The following UTRN variants were observed in gnomAD, a reference collection of about 807,000 sequenced individuals.
The protein encoded by UTRN is dystrophin-related protein 1.
UTRN carries 283 observed loss-of-function variants against 463.9 expected under a neutral mutation model. The observed-to-expected ratio is 0.61, with a 90% CI of 0.55 to 0.67. The LOEUF (loss-of-function observed/expected upper bound fraction) is 0.67. Among genes scored for constraint, UTRN ranks in the 30% least tolerant of loss-of-function variants. UTRN has a pLI of 0.00. For synonymous variants in UTRN, 1,442 were observed against 1,431.5 expected (o/e 1.01, Z -0.17); for missense variants, 3,922 against 4,084.3 (o/e 0.96, Z 1.08).
chr6:144,491,453 G>A (rs1221685061), intron 32 of UTRN, among the ~76,000 whole-genome samples: 2 of 152,060 alleles, frequency 1.3e-5, no homozygotes, highest in Non-Finnish European at 2.9e-5. Flanking sequence ...TTAGCTAGAA[G>A]AACCATACTT....
At chr6:144,472,348 TTAGA>T in intron 23 of UTRN, among the ~76,000 whole-genome samples, 1 of 151,680 alleles carries the variant, frequency 6.6e-6, no homozygotes, top group Non-Finnish European at 1.5e-5. Context: ...GCCTAGATTA[TTAGA>T]TACACAGAGT....
Position 144,474,674 on chromosome 6 carries a change from G to T in UTRN, c.3251G>T (p.Arg1084Leu), listed in dbSNP as rs751133169. 2 of 1,614,004 alleles carry T rather than the reference G, an allele frequency of 1.2e-6. No homozygotes were observed. Among genetic ancestry groups the T allele is most frequent in the East Asian group, 2.2e-5 (1 of 44,872 alleles). ...ATGAAGGAAATAGAGACTAATCTTC[G>T]AAGTGGTCCAGTTGCTGGAATAAAA... The part of the protein sequence containing the change: ...KNMKEIETNL[R>L]SGPVAGIKTW... Residue 1084 changes from arginine to leucine, a missense_variant, in exon 25 of 75, where the codon CGA (arginine) becomes CTA (leucine). Physicochemically the swap from Arg to Leu is moderately radical, Grantham distance 102 (BLOSUM62 -2). Around this residue, in one of 3 missense-constraint regions of UTRN, gnomAD observed 2,349 missense variants for 2,303.8 expected, o/e 1.02. Coordinates refer to ENST00000367545, the MANE Select transcript of UTRN (RefSeq NM_007124.3).
At chr6:144,402,096 G>C (rs1019491163) in intron 2 of UTRN, among the ~76,000 whole-genome samples, 9 of 152,172 alleles carry the variant, frequency 5.9e-5, no homozygotes, top group Admixed American at 6.5e-5. Flanking sequence ...GAAAATCGTG[G>C]AGTGATGGAA....
At chr6:144,412,762 TACACAC>T (rs149751810) in intron 3 of UTRN, among the ~76,000 whole-genome samples, 3,023 of 144,342 alleles carry the variant, frequency 0.021, 49 homozygotes, top group Non-Finnish European at 0.028. Context: ...ACACACACCA[TACACAC>T]ACACACACAC....
At chr6:144,835,680 C>T in intron 69 of UTRN, 100 bp from the exon 70 acceptor site, 3 of 1,512,830 alleles carry the variant, frequency 2.0e-6, no homozygotes, top group Admixed American at 2.0e-5. Context: ...CAAACTTGGC[C>T]CAGCCACTAT....
chr6:144,653,089 A>G (rs771114684), intron 51 of UTRN, among the ~76,000 whole-genome samples: 33 of 152,190 alleles, frequency 2.2e-4, no homozygotes, highest in Non-Finnish European at 4.0e-4. Context: ...GAACATTGAA[A>G]TGTTTCATTC....
intron 54 of UTRN, among the ~76,000 whole-genome samples, chr6:144,741,756 T>C (rs11967393): frequency 1.5e-3 from 221 of 152,336 alleles, no homozygotes; most frequent in African/African-American, 5.0e-3. Context: ...TTCCAGGGTC[T>C]CTTTGCTCTT....
At chr6:144,690,184 A>G (rs145100513) in intron 52 of UTRN, among the ~76,000 whole-genome samples, 1 of 135,128 alleles carries the variant, frequency 7.4e-6, no homozygotes, top group African/African-American at 2.8e-5. Context: ...GGGTCAGGCA[A>G]GTCCATGCTC....
intron 62 of UTRN, among the ~76,000 whole-genome samples, chr6:144,792,337 C>A (rs979950393): frequency 6.6e-6 from 1 of 152,110 alleles, no homozygotes; most frequent in African/African-American, 2.4e-5. Context: ...CAACTGTGAT[C>A]GGGAGTTCGA....
chr6:144,362,740 A>G (rs925789586), intron 2 of UTRN, among the ~76,000 whole-genome samples: 1 of 152,188 alleles, frequency 6.6e-6, no homozygotes, highest in Non-Finnish European at 1.5e-5. Context: ...AAAAAATGAC[A>G]TGCCACTTGT....
intron 34 of UTRN, among the ~76,000 whole-genome samples, chr6:144,503,820 A>G (rs554484526): frequency 2.0e-5 from 3 of 152,310 alleles, no homozygotes; most frequent in African/African-American, 7.2e-5. Context: ...CATTGAATCT[A>G]AAAATTACTT....
intron 39 of UTRN, 67 bp downstream of exon 39, chr6:144,517,015 G>T (rs1236121115): frequency 7.6e-7 from 1 of 1,318,098 alleles, no homozygotes; most frequent in Non-Finnish European, 9.8e-7. Context: ...TCAGATGTGT[G>T]ATGCTGCATC....
intron 51 of UTRN, among the ~76,000 whole-genome samples, chr6:144,664,520 C>A (rs1780193391): frequency 6.7e-6 from 1 of 148,168 alleles, no homozygotes; most frequent in South Asian, 2.1e-4. Context: ...CTCAGGCTGA[C>A]CTTGAACTCC....
chr6:144,463,886 G>A (rs890128070), intron 23 of UTRN, among the ~76,000 whole-genome samples: 1 of 150,908 alleles, frequency 6.6e-6, no homozygotes, highest in Non-Finnish European at 1.5e-5. Flanking sequence ...TATATATATA[G>A]GGAGATGTCT....
intron 38 of UTRN, among the ~76,000 whole-genome samples, chr6:144,516,602 T>C (rs1382241162): frequency 6.6e-6 from 1 of 152,018 alleles, no homozygotes; most frequent in African/African-American, 2.4e-5. Context: ...TCCTTAGTAT[T>C]ATCTAATGTT....
intron 50 of UTRN, among the ~76,000 whole-genome samples, chr6:144,563,775 T>C (rs1800142068): frequency 6.6e-6 from 1 of 152,244 alleles, no homozygotes; most frequent in Admixed American, 6.5e-5. Flanking sequence ...TATATTTTCC[T>C]CTTCTGTTAC....
At chr6:144,767,455 A>G (rs896386393) in intron 58 of UTRN, among the ~76,000 whole-genome samples, 1 of 152,180 alleles carries the variant, frequency 6.6e-6, no homozygotes, top group Non-Finnish European at 1.5e-5. Flanking sequence ...ATACTTCCAT[A>G]TCAAGAGCTT....
intron 12 of UTRN, 42 bp from the exon 13 acceptor site, chr6:144,440,310 G>A (rs200067884): frequency 1.9e-6 from 3 of 1,609,954 alleles, no homozygotes; most frequent in Non-Finnish European, 2.5e-6. Context: ...ATAGGTAAAT[G>A]TGAAAGTAGA....
At chr6:144,521,920 TG>T (rs1227830838) in intron 39 of UTRN, 59 bp from the exon 40 acceptor site, 4 of 1,049,160 alleles carry the variant, frequency 3.8e-6, no homozygotes, top group Admixed American at 4.1e-5. Context: ...TTATTCATTG[TG>T]GGGGTATTTT....
Sources: allele counts gnomAD v4.1 joint callset (sites outside exome capture counted in the v4.1 genomes callset), GRCh38; gene constraint gnomAD v4.1.1; regional missense constraint gnomAD v4.1.1; transcripts MANE v1.5; gene names NCBI Gene and HGNC (gene_info 2026-07-23, HGNC 2026-07-21).